The following DTNA variants were observed in gnomAD, a reference collection of about 807,000 sequenced individuals.
The protein encoded by DTNA is dystrobrevin alpha, also known as dystrophin-related protein 3.
In DTNA, 43 loss-of-function variants were observed where a neutral mutation model predicts 100.7. The observed-to-expected ratio is 0.43, with a 90% CI of 0.33 to 0.55. The LOEUF (loss-of-function observed/expected upper bound fraction) is 0.55, where lower values mean the gene tolerates loss of function less well. Ranked by LOEUF, DTNA falls within the 20% of genes least tolerant of loss-of-function variation. The pLI is 0.04. For synonymous variants in DTNA, 349 were observed against 347.9 expected (o/e 1.00, Z -0.04); for missense variants, 798 against 953.9 (o/e 0.84, Z 2.15).
intron 1 of DTNA, among the ~76,000 whole-genome samples, chr18:34,753,361 A>ATTTTTTTTTTTT (rs751756097): frequency 3.1e-5 from 3 of 96,890 alleles, no homozygotes; most frequent in African/African-American, 1.6e-4. Context: ...TTATTTATTT[A>ATTTTTTTTTTTT]TTTTATTTTT....
At chr18:34,782,265 C>T (rs916786438) in intron 3 of DTNA, among the ~76,000 whole-genome samples, 5 of 152,120 alleles carry the variant, frequency 3.3e-5, no homozygotes, top group African/African-American at 9.7e-5. Flanking sequence ...GATGCTAGCA[C>T]GTAGTTCTGT....
chr18:34,555,307 T>G (rs1194593248), intron 1 of DTNA, among the ~76,000 whole-genome samples: 1 of 149,042 alleles, frequency 6.7e-6, no homozygotes, highest in African/African-American at 2.5e-5. Context: ...TCAGTTTTGT[T>G]GATCATTTCA....
intron 1 of DTNA, among the ~76,000 whole-genome samples, chr18:34,673,125 C>T: frequency 6.6e-6 from 1 of 152,088 alleles, no homozygotes; most frequent in East Asian, 1.9e-4. Flanking sequence ...CTCACTCTGT[C>T]ACTCAGGCTG....
intron 4 of DTNA, among the ~76,000 whole-genome samples, chr18:34,795,223 C>T (rs890523632): frequency 1.1e-4 from 16 of 152,170 alleles, no homozygotes; most frequent in Admixed American, 2.0e-4. Context: ...TTTACCCCCG[C>T]AGTGGAGATG....
chr18:34,749,639 C>CAAAAAAA (rs1232445254), intron 1 of DTNA, among the ~76,000 whole-genome samples: 2 of 75,142 alleles, frequency 2.7e-5, no homozygotes, highest in Non-Finnish European at 5.0e-5. Flanking sequence ...CACCTCTCTC[C>CAAAAAAA]AAAAAATAAT....
chr18:34,616,184 A>G (rs1365099825), intron 1 of DTNA, among the ~76,000 whole-genome samples: 1 of 152,182 alleles, frequency 6.6e-6, no homozygotes, highest in Non-Finnish European at 1.5e-5. Flanking sequence ...ACATGGCTGA[A>G]TTAATTTACA....
rs144688518 is a variant in DTNA at position 34,595,188 on chromosome 18, C to T, written c.-2+101674C>T. On this transcript the variant is annotated intron_variant, in intron 1 of 19. Transcript: ENST00000283365. ...CTGAATGGTTGACAATAAGAATGAA[C>T]CTGGCAGAAATCACAGGTGCTTCCA... Among the ~76,000 whole-genome samples the T allele has an allele frequency of 4.0e-3, 610 of 152,304 alleles. 2 individuals are homozygous for T. The highest frequency in any genetic ancestry group is 0.034 in the Middle Eastern group (10 of 294).
intron 2 of DTNA, among the ~76,000 whole-genome samples, chr18:34,756,797 A>G (rs550934773): frequency 2.6e-5 from 4 of 152,292 alleles, no homozygotes; most frequent in Admixed American, 2.6e-4. Context: ...AGAACTTGAC[A>G]TTAGGGAGAA....
intron 19 of DTNA, among the ~76,000 whole-genome samples, chr18:34,878,165 CAG>C (rs1323528046): frequency 3.3e-5 from 5 of 152,078 alleles, no homozygotes; most frequent in African/African-American, 1.2e-4. Context: ...TTCATAGAGA[CAG>C]AGTCTTTGCT....
intron 1 of DTNA, among the ~76,000 whole-genome samples, chr18:34,584,607 T>G (rs184506946): frequency 2.0e-5 from 3 of 152,268 alleles, no homozygotes; most frequent in Admixed American, 6.5e-5. Flanking sequence ...AAGGTTAGTT[T>G]CAGAATAAAA....
chr18:34,588,845 A>T, intron 1 of DTNA, among the ~76,000 whole-genome samples: 1 of 152,122 alleles, frequency 6.6e-6, no homozygotes, highest in East Asian at 1.9e-4. Context: ...ATATAGTTGA[A>T]ATCATGGTGC....
intron 16 of DTNA, among the ~76,000 whole-genome samples, chr18:34,863,385 G>A (rs1393189047): frequency 6.6e-6 from 1 of 152,162 alleles, no homozygotes; most frequent in East Asian, 1.9e-4. Context: ...ATGTAGAAAT[G>A]CCTTTATTTT....
At chr18:34,637,967 C>T (rs1330784747) in intron 1 of DTNA, among the ~76,000 whole-genome samples, 1 of 152,194 alleles carries the variant, frequency 6.6e-6, no homozygotes, top group Non-Finnish European at 1.5e-5. Flanking sequence ...CTGGGCATCT[C>T]CTCTTCACAT....
intron 17 of DTNA, chr18:34,867,389 A>G (rs1265606799): frequency 1.6e-6 from 2 of 1,228,764 alleles, no homozygotes; most frequent in African/African-American, 3.1e-5. Context: ...TCAAATTTTA[A>G]CAGAAGACAG....
chr18:34,866,167 A>T, intron 17 of DTNA: 1 of 1,614,190 alleles, frequency 6.2e-7, no homozygotes, highest in East Asian at 2.2e-5. Context: ...CTTAACTAAC[A>T]GTGGAGGGGC....
intron 12 of DTNA, 48 bp downstream of exon 12, chr18:34,838,219 A>T (rs771550289): frequency 9.4e-6 from 15 of 1,595,416 alleles, no homozygotes; most frequent in Non-Finnish European, 1.3e-5. Flanking sequence ...ACTAAACTAA[A>T]AATGGAGATT....
At chr18:34,568,030 A>G (rs919361883) in intron 1 of DTNA, among the ~76,000 whole-genome samples, 2 of 147,192 alleles carry the variant, frequency 1.4e-5, no homozygotes, top group East Asian at 3.9e-4. Flanking sequence ...GAAATTTTAG[A>G]AAAAAAATGA....
At chr18:34,587,160 T>TTTTTG (rs2049229579) in intron 1 of DTNA, among the ~76,000 whole-genome samples, 1 of 151,852 alleles carries the variant, frequency 6.6e-6, no homozygotes, top group African/African-American at 2.4e-5. Flanking sequence ...TTTTTTTTTT[T>TTTTTG]GTAGAGATGG....
chr18:34,768,850 T>C (rs997356291), intron 3 of DTNA, among the ~76,000 whole-genome samples: 2 of 152,204 alleles, frequency 1.3e-5, no homozygotes, highest in African/African-American at 4.8e-5. Context: ...ACTGAGAATA[T>C]GGGCTTTTAA....
Sources: gnomAD v4.1 joint callset for allele counts (sites outside exome capture counted in the v4.1 genomes callset) on GRCh38, gnomAD v4.1.1 for gene constraint, MANE v1.5 for transcripts, NCBI Gene and HGNC (gene_info 2026-07-23, HGNC 2026-07-21) for gene names.